The following CCSER1 variants were observed in gnomAD, a reference collection of about 807,000 sequenced individuals.
CCSER1 encodes the protein serine-rich coiled-coil domain-containing protein 1.
A neutral mutation model predicts 82.0 loss-of-function variants in CCSER1; 41 were observed. The observed-to-expected ratio is 0.50, with a 90% CI of 0.39 to 0.65. CCSER1 has a LOEUF of 0.65. CCSER1 is among the 30% of genes least tolerant of loss of function. The probability of loss-of-function intolerance (pLI) is 0.00; values close to 1 mark genes in which losing one functional copy is unlikely to be tolerated. For missense variants in CCSER1, 1,119 were observed against 1,064.2 expected (o/e 1.05, Z -0.72); for synonymous variants, 414 against 383.9 (o/e 1.08, Z -0.92).
intron 1 of CCSER1, among the ~76,000 whole-genome samples, chr4:90,142,626 C>G (rs1440706496): frequency 6.9e-6 from 1 of 145,484 alleles, no homozygotes; most frequent in African/African-American, 2.5e-5. Context: ...TTATTTACCA[C>G]TTTTTTTTTT....
intron 10 of CCSER1, among the ~76,000 whole-genome samples, chr4:91,136,321 G>A (rs1044478548): frequency 4.6e-5 from 7 of 152,096 alleles, no homozygotes; most frequent in African/African-American, 2.4e-5. Context: ...CTTTATTGGG[G>A]TTGTTTCCTT....
intron 9 of CCSER1, among the ~76,000 whole-genome samples, chr4:90,949,005 G>A (rs977269468): frequency 1.3e-5 from 2 of 152,000 alleles, no homozygotes; most frequent in African/African-American, 2.4e-5. Flanking sequence ...CGTGGAATGT[G>A]ATAATTTTAT....
chr4:90,735,240 T>C (rs1745450787), intron 7 of CCSER1, among the ~76,000 whole-genome samples: 1 of 152,094 alleles, frequency 6.6e-6, no homozygotes, highest in Non-Finnish European at 1.5e-5. Context: ...TGTTGTTGAG[T>C]ATATTTGCAT....
At chr4:91,156,289 G>A (rs566469792) in intron 10 of CCSER1, among the ~76,000 whole-genome samples, 1 of 151,774 alleles carries the variant, frequency 6.6e-6, no homozygotes, top group Non-Finnish European at 1.5e-5. Context: ...ACTTTACCTA[G>A]TGTGGTCAAC....
chr4:90,638,243 ATTTT>A (rs543883312), intron 6 of CCSER1, among the ~76,000 whole-genome samples: 1 of 151,964 alleles, frequency 6.6e-6, no homozygotes. Context: ...TAAGATAATA[ATTTT>A]TTTTAATCTC....
At chr4:91,323,366 G>T (rs1299814959) in intron 10 of CCSER1, among the ~76,000 whole-genome samples, 3 of 152,096 alleles carry the variant, frequency 2.0e-5, no homozygotes, top group Non-Finnish European at 4.4e-5. Flanking sequence ...TTAGGTTTAG[G>T]TTATGCCTCA....
At chr4:91,571,626 G>A (rs1047214738) in intron 10 of CCSER1, among the ~76,000 whole-genome samples, 2 of 152,132 alleles carry the variant, frequency 1.3e-5, no homozygotes, top group African/African-American at 4.8e-5. Context: ...GGGGAAAACT[G>A]CCCCTATGAT....
chr4:91,483,425 T>C (rs1017398492), intron 10 of CCSER1, among the ~76,000 whole-genome samples: 1 of 152,018 alleles, frequency 6.6e-6, no homozygotes, highest in African/African-American at 2.4e-5. Flanking sequence ...ATGTCCCTGT[T>C]ATTATACTTT....
chr4:90,809,169 A>ACG (rs397774421), intron 7 of CCSER1, among the ~76,000 whole-genome samples: 1 of 151,376 alleles, frequency 6.6e-6, no homozygotes, highest in African/African-American at 2.4e-5. Flanking sequence ...ACACACACAC[A>ACG]ATTAGCTAGG....
intron 2 of CCSER1, among the ~76,000 whole-genome samples, chr4:90,312,652 A>C (rs569674388): frequency 6.6e-6 from 1 of 152,308 alleles, no homozygotes; most frequent in Non-Finnish European, 1.5e-5. Flanking sequence ...TAATGTGAGC[A>C]ACGAAGCAAC....
intron 1 of CCSER1, among the ~76,000 whole-genome samples, chr4:90,218,609 A>G (rs181660961): frequency 6.6e-6 from 1 of 152,332 alleles, no homozygotes; most frequent in African/African-American, 2.4e-5. Flanking sequence ...AGGGCAAGTG[A>G]TAACTTTTCA....
intron 2 of CCSER1, among the ~76,000 whole-genome samples, chr4:90,311,661 A>G (rs983263285): frequency 2.0e-5 from 3 of 152,194 alleles, no homozygotes; most frequent in Non-Finnish European, 4.4e-5. Context: ...AGTACTTTAT[A>G]CACATCTAAG....
At chr4:90,878,199 C>A (rs2150059590) in intron 8 of CCSER1, among the ~76,000 whole-genome samples, 1 of 152,176 alleles carries the variant, frequency 6.6e-6, no homozygotes, top group Non-Finnish European at 1.5e-5. Context: ...TAGGTGTTAC[C>A]ATAACATAGA....
chr4:91,481,155 T>C (rs1010338875), intron 10 of CCSER1, among the ~76,000 whole-genome samples: 2 of 150,704 alleles, frequency 1.3e-5, no homozygotes, highest in African/African-American at 4.9e-5. Flanking sequence ...ATGCAGTGTT[T>C]GAATGACTTC....
At chr4:90,947,117 C>T (rs1485424479) in intron 9 of CCSER1, among the ~76,000 whole-genome samples, 1 of 152,130 alleles carries the variant, frequency 6.6e-6, no homozygotes, top group Admixed American at 6.5e-5. Flanking sequence ...TTGATCAAAA[C>T]ATAGCAAGTC....
At chr4:90,560,132 A>T (rs1655428935) in intron 5 of CCSER1, among the ~76,000 whole-genome samples, 1 of 152,092 alleles carries the variant, frequency 6.6e-6, no homozygotes, top group African/African-American at 2.4e-5. Context: ...ATTCTCAAAC[A>T]GAGGCTAGTT....
At chr4:90,312,612 G>A (rs1387001147) in intron 2 of CCSER1, among the ~76,000 whole-genome samples, 1 of 152,072 alleles carries the variant, frequency 6.6e-6, no homozygotes. Context: ...ACAGTTTGAA[G>A]GAAATAAGGA....
At chr4:91,467,603 C>G (rs1756997019) in intron 10 of CCSER1, among the ~76,000 whole-genome samples, 1 of 152,160 alleles carries the variant, frequency 6.6e-6, no homozygotes, top group Admixed American at 6.5e-5. Context: ...ATCTACTCAT[C>G]TGACAAAGGG....
chr4:91,458,275 C>T (rs1354402260), intron 10 of CCSER1, among the ~76,000 whole-genome samples: 2 of 152,082 alleles, frequency 1.3e-5, no homozygotes, highest in African/African-American at 2.4e-5. Flanking sequence ...TCCTTTCCCC[C>T]CATACAAGAG....
Sources: allele counts gnomAD v4.1 joint callset (sites outside exome capture counted in the v4.1 genomes callset), GRCh38; gene constraint gnomAD v4.1.1; transcripts MANE v1.5; gene names NCBI Gene and HGNC (gene_info 2026-07-23, HGNC 2026-07-21).